The following MAGI2 variants were observed in gnomAD, a reference collection of about 807,000 sequenced individuals.
MAGI2 encodes membrane associated guanylate kinase, WW and PDZ domain containing 2, also known as membrane-associated guanylate kinase, WW and PDZ domain-containing protein 2.
In MAGI2, 35 loss-of-function variants were observed where a neutral mutation model predicts 133.3. The ratio of observed to expected loss-of-function variants is 0.26; its 90% CI spans 0.20 to 0.35. The LOEUF is 0.35. Among genes scored for constraint, MAGI2 ranks in the 10% least tolerant of loss-of-function variants. The pLI, the probability that MAGI2 is intolerant of heterozygous loss-of-function variation, is 1.00. For synonymous variants in MAGI2, 729 were observed against 710.6 expected, an observed-to-expected ratio of 1.03 and a Z score of -0.41; for missense variants, 1,636 against 1,863.4, an observed-to-expected ratio of 0.88 and a Z score of 2.25.
intron 1 of MAGI2, among the ~76,000 whole-genome samples, chr7:79,213,069 G>A (rs909875524): frequency 1.3e-5 from 2 of 151,778 alleles, no homozygotes; most frequent in Non-Finnish European, 2.9e-5. Flanking sequence ...GAGGGCGGGT[G>A]GATCGAGGGG....
chr7:78,459,841 G>T (rs1789771011), intron 6 of MAGI2, among the ~76,000 whole-genome samples: 1 of 152,186 alleles, frequency 6.6e-6, no homozygotes, highest in Non-Finnish European at 1.5e-5. Context: ...ATTTATTTAA[G>T]CTGACAAGAA....
intron 2 of MAGI2, among the ~76,000 whole-genome samples, chr7:78,894,060 A>G (rs1797002001): frequency 6.6e-6 from 1 of 152,166 alleles, no homozygotes; most frequent in Non-Finnish European, 1.5e-5. Context: ...TTTCAATGAC[A>G]TTTTCAACAA....
intron 1 of MAGI2, among the ~76,000 whole-genome samples, chr7:79,155,363 C>T (rs984689262): frequency 6.6e-6 from 1 of 152,094 alleles, no homozygotes; most frequent in Non-Finnish European, 1.5e-5. Flanking sequence ...AGATAAAATG[C>T]TAGGCACATA....
chr7:79,267,940 C>A (rs1280704530), intron 1 of MAGI2, among the ~76,000 whole-genome samples: 1 of 152,082 alleles, frequency 6.6e-6, no homozygotes, highest in East Asian at 1.9e-4. Context: ...TTAAATGGGA[C>A]TGGAGGGCAG....
Position 79,144,107 on chromosome 7 carries a change from T to C in MAGI2, c.302-136901A>G, listed in dbSNP as rs1822393077. 2.0e-5 allele frequency among the ~76,000 whole-genome samples: 3 copies of C among 152,214 alleles called. No individual in the cohort carries two copies. The South Asian group carries it at 6.2e-4, about 31-fold the overall frequency. Reference sequence around the variant, plus strand: ...TGGGACAATCATTGTACTTACCTCATTGTTTTCACAAATGAAATGTGTTCA... The same window carrying C: ...TGGGACAATCATTGTACTTACCTCACTGTTTTCACAAATGAAATGTGTTCA... On this transcript the variant is annotated intron_variant, in intron 1 of 21. Coordinates refer to ENST00000354212, the MANE Select transcript of MAGI2 (RefSeq NM_012301.4).
In MAGI2 at chr7:78,652,357, C is replaced by G. The variant is rs897098241; in HGVS notation, c.419-25118G>C. Among the ~76,000 whole-genome samples, 3 of 152,002 alleles carry G rather than the reference C, an allele frequency of 2.0e-5. No individual in the cohort carries two copies. The South Asian group carries it at 6.2e-4, about 32-fold the overall frequency. On this transcript the variant is annotated intron_variant, in intron 2 of 21. Coordinates refer to ENST00000354212, the MANE Select transcript of MAGI2 (RefSeq NM_012301.4). Reference sequence around the variant, plus strand: ...TATTCAATACAATAATATCAAGGGTCGCTACCTGACTTCAAACTACACTAC... The same window carrying G: ...TATTCAATACAATAATATCAAGGGTGGCTACCTGACTTCAAACTACACTAC...
chr7:78,768,261 T>G (rs1825228673), intron 2 of MAGI2, among the ~76,000 whole-genome samples: 1 of 152,224 alleles, frequency 6.6e-6, no homozygotes, highest in African/African-American at 2.4e-5. Context: ...GGTAATCCTC[T>G]TAGGAACTTT....
At chr7:79,420,377 G>A (rs28681068) in intron 1 of MAGI2, among the ~76,000 whole-genome samples, 37,389 of 151,796 alleles carry the variant, frequency 0.25, 6,673 homozygotes, top group African/African-American at 0.51. Context: ...TCAAAGTGAT[G>A]CCCCCAATTC....
At chr7:79,132,275 A>AT (rs1821005884) in intron 1 of MAGI2, among the ~76,000 whole-genome samples, 1 of 151,842 alleles carries the variant, frequency 6.6e-6, no homozygotes, top group Non-Finnish European at 1.5e-5. Flanking sequence ...CTAATGTGTA[A>AT]TTTTTTATTC....
At chr7:78,088,353 G>A (rs1285453793) in intron 20 of MAGI2, among the ~76,000 whole-genome samples, 3 of 152,080 alleles carry the variant, frequency 2.0e-5, no homozygotes, top group Non-Finnish European at 4.4e-5. Context: ...CTCTGCTTCT[G>A]TCTTTACATC....
intron 2 of MAGI2, among the ~76,000 whole-genome samples, chr7:78,672,506 G>A (rs1378089295): frequency 6.6e-6 from 1 of 152,154 alleles, no homozygotes; most frequent in Non-Finnish European, 1.5e-5. Flanking sequence ...ATGAAGGCAT[G>A]CTCTTGTTCT....
intron 1 of MAGI2, among the ~76,000 whole-genome samples, chr7:79,287,947 A>G (rs1368022529): frequency 6.6e-6 from 1 of 152,132 alleles, no homozygotes; most frequent in Non-Finnish European, 1.5e-5. Context: ...CATTTTGAAA[A>G]TTTCAAAAAA....
chr7:79,353,236 T>A (rs574453883), intron 1 of MAGI2, among the ~76,000 whole-genome samples: 1 of 152,114 alleles, frequency 6.6e-6, no homozygotes, highest in South Asian at 2.1e-4. Context: ...GCTCAGAGTC[T>A]AGGGAGCACT....
chr7:78,427,739 A>C (rs1245032320), intron 6 of MAGI2, among the ~76,000 whole-genome samples: 3 of 152,036 alleles, frequency 2.0e-5, no homozygotes, highest in Non-Finnish European at 4.4e-5. Flanking sequence ...TATTCTATTA[A>C]AATTTAATTT....
At chr7:79,398,295 A>C (rs1032540212) in intron 1 of MAGI2, among the ~76,000 whole-genome samples, 3 of 152,204 alleles carry the variant, frequency 2.0e-5, no homozygotes, top group Admixed American at 6.5e-5. Flanking sequence ...CTTAGTATAG[A>C]GCACTATCCA....
chr7:78,145,239 G>C (rs1469248898), intron 16 of MAGI2, among the ~76,000 whole-genome samples: 1 of 152,062 alleles, frequency 6.6e-6, no homozygotes, highest in African/African-American at 2.4e-5. Context: ...CATTACTATT[G>C]AGAGGCCTGA....
intron 1 of MAGI2, among the ~76,000 whole-genome samples, chr7:79,123,770 A>T (rs1820127361): frequency 8.4e-6 from 1 of 119,072 alleles, no homozygotes. Flanking sequence ...TGGGCGACAG[A>T]GTGAGACTCC....
chr7:78,474,723 T>C (rs1256104729), intron 6 of MAGI2, among the ~76,000 whole-genome samples: 1 of 151,932 alleles, frequency 6.6e-6, no homozygotes, highest in Non-Finnish European at 1.5e-5. Context: ...ATCTTCTACC[T>C]GTAGAAGTTA....
intron 1 of MAGI2, among the ~76,000 whole-genome samples, chr7:79,283,855 C>T (rs1835817287): frequency 6.6e-6 from 1 of 152,058 alleles, no homozygotes; most frequent in South Asian, 2.1e-4. Flanking sequence ...TTTCAGTCAA[C>T]AATGGATCAC....
Sources: gnomAD v4.1 joint callset for allele counts (sites outside exome capture counted in the v4.1 genomes callset) on GRCh38, gnomAD v4.1.1 for gene constraint, MANE v1.5 for transcripts, NCBI Gene and HGNC (gene_info 2026-07-23, HGNC 2026-07-21) for gene names.